The following OXR1 variants were observed in gnomAD, a reference collection of about 807,000 sequenced individuals.
OXR1 encodes the protein oxidation resistance protein 1.
A neutral mutation model predicts 104.6 loss-of-function variants in OXR1; 41 were observed. The ratio of observed to expected loss-of-function variants is 0.39; its 90% confidence interval spans 0.31 to 0.51. The LOEUF (loss-of-function observed/expected upper bound fraction) is 0.51. Ranked by LOEUF, OXR1 falls within the 20% of genes least tolerant of loss-of-function variation. The probability of loss-of-function intolerance (pLI) is 0.77; values close to 1 mark genes in which losing one functional copy is unlikely to be tolerated. For synonymous variants in OXR1, 348 were observed against 348.4 expected, an observed-to-expected ratio of 1.00 and a Z score of 0.01; for missense variants, 955 against 1,031.9, an observed-to-expected ratio of 0.93 and a Z score of 1.02.
intron 11 of OXR1, among the ~76,000 whole-genome samples, chr8:106,725,739 A>C (rs1385986161): frequency 6.6e-6 from 1 of 152,206 alleles, no homozygotes; most frequent in East Asian, 1.9e-4. Context: ...CTTATTGCTT[A>C]AAAAATGTTC....
chr8:106,353,936 CT>C (rs1379804067), intron 1 of OXR1, among the ~76,000 whole-genome samples: 1 of 152,160 alleles, frequency 6.6e-6, no homozygotes, highest in Non-Finnish European at 1.5e-5. Flanking sequence ...ATTCTACTTT[CT>C]GCTTCTATGA....
At chr8:106,650,478 T>C (rs1388561241) in intron 3 of OXR1, among the ~76,000 whole-genome samples, 1 of 152,210 alleles carries the variant, frequency 6.6e-6, no homozygotes, top group Non-Finnish European at 1.5e-5. Context: ...GATTGAGAAA[T>C]GCAGTCTATC....
intron 3 of OXR1, among the ~76,000 whole-genome samples, chr8:106,666,744 G>T (rs1160739955): frequency 6.6e-6 from 1 of 152,142 alleles, no homozygotes; most frequent in Non-Finnish European, 1.5e-5. Flanking sequence ...GGACAGTGGA[G>T]GATGAGAAAA....
intron 3 of OXR1, among the ~76,000 whole-genome samples, chr8:106,521,629 C>T (rs1813269202): frequency 6.6e-6 from 1 of 152,196 alleles, no homozygotes; most frequent in Non-Finnish European, 1.5e-5. Flanking sequence ...TCTCCTGCCT[C>T]AGCCTCCCGA....
chr8:106,401,449 A>G (rs1362996737), intron 2 of OXR1, among the ~76,000 whole-genome samples: 1 of 152,152 alleles, frequency 6.6e-6, no homozygotes, highest in Non-Finnish European at 1.5e-5. Context: ...TGAATTTTTA[A>G]GGGCCTGCAC....
chr8:106,590,378 C>T (rs766464782), intron 3 of OXR1, among the ~76,000 whole-genome samples: 22 of 152,192 alleles, frequency 1.4e-4, no homozygotes, highest in Non-Finnish European at 3.1e-4. Flanking sequence ...ATCTCTGCCT[C>T]CTGGGTTCAA....
At chr8:106,482,089 G>C (rs1381092416) in intron 2 of OXR1, among the ~76,000 whole-genome samples, 1 of 151,952 alleles carries the variant, frequency 6.6e-6, no homozygotes, top group African/African-American at 2.4e-5. Context: ...ACCCCTTGCT[G>C]GTTTGCATTT....
rs553313808 is a variant in OXR1, at chr8:106,618,666, C to T, written c.221-60544C>T. Among the ~76,000 whole-genome samples, 7 of 152,270 alleles carry T rather than the reference C, an allele frequency of 4.6e-5. No homozygotes were observed. The South Asian group carries it at 8.3e-4, about 18-fold the overall frequency. Reference sequence around the variant, plus strand: ...CTTCACTCAAAAATTGTCCCTAACTCGGGTAATGGCAGTGATCAAGTCACA... The same window carrying T: ...CTTCACTCAAAAATTGTCCCTAACTTGGGTAATGGCAGTGATCAAGTCACA... On this transcript the variant is annotated intron_variant, in intron 3 of 16. Coordinates refer to ENST00000517566, the MANE Select transcript of OXR1 (RefSeq NM_001198533.2).
chr8:106,682,329 C>T lies in OXR1; in HGVS notation c.304-870C>T, dbSNP rs1408447511. On this transcript the variant is annotated intron_variant, in intron 4 of 16. Transcript: ENST00000517566. ...TGTCGCCCAGACTGGAGTGCAGTGG[C>T]GCAATCTCGGCTCACTGCAAGCTCG... Among the ~76,000 whole-genome samples, 7 of 140,418 alleles carry T rather than the reference C, an allele frequency of 5.0e-5. No homozygotes were observed. The East Asian group carries it at 1.3e-3, about 25-fold the overall frequency. The allele number at this position is 140,418 out of a possible 152,430, so 92.1% of individuals were successfully genotyped here. A position where few individuals can be genotyped will look rare whatever the true frequency, so the allele number is the denominator to read the frequency against.
intron 2 of OXR1, among the ~76,000 whole-genome samples, chr8:106,399,047 G>C (rs1817899441): frequency 6.6e-6 from 1 of 151,806 alleles, no homozygotes. Context: ...TTATTTATTT[G>C]TACTTTCCAT....
intron 2 of OXR1, chr8:106,447,922 C>T: frequency 6.5e-7 from 1 of 1,528,410 alleles, no homozygotes; most frequent in South Asian, 1.2e-5. Context: ...GTGGGTGGAG[C>T]TAACGAGACA....
chr8:106,522,534 C>T (rs868322378), intron 3 of OXR1, among the ~76,000 whole-genome samples: 34 of 152,178 alleles, frequency 2.2e-4, no homozygotes, highest in African/African-American at 7.9e-4. Flanking sequence ...TAATAAAATT[C>T]CATTGATTTA....
chr8:106,720,315 A>G (rs1222949303), intron 11 of OXR1, among the ~76,000 whole-genome samples: 2 of 152,200 alleles, frequency 1.3e-5, no homozygotes, highest in East Asian at 3.9e-4. Context: ...CCTAGTTATC[A>G]GTGTTGTTTA....
intron 2 of OXR1, among the ~76,000 whole-genome samples, chr8:106,483,232 A>G (rs1195499687): frequency 6.6e-6 from 1 of 152,104 alleles, no homozygotes; most frequent in East Asian, 1.9e-4. Flanking sequence ...GTCAGTCAGT[A>G]GAGAGTTAGT....
chr8:106,413,660 C>T (rs1370981369), intron 2 of OXR1, among the ~76,000 whole-genome samples: 3 of 151,802 alleles, frequency 2.0e-5, no homozygotes, highest in Non-Finnish European at 1.5e-5. Context: ...GTTCTCAGTG[C>T]TTACAGTAGT....
At chr8:106,497,785 C>T (rs964799217) in intron 2 of OXR1, among the ~76,000 whole-genome samples, 2 of 81,354 alleles carry the variant, frequency 2.5e-5, no homozygotes, top group Admixed American at 2.5e-4. Context: ...ATATGGTCAC[C>T]ATATGTGTGT....
At chr8:106,292,569 G>A (rs1203255205) in intron 1 of OXR1, among the ~76,000 whole-genome samples, 3 of 152,148 alleles carry the variant, frequency 2.0e-5, no homozygotes, top group African/African-American at 4.8e-5. Flanking sequence ...GGTATCCATT[G>A]GTGGGTCTTG....
At chr8:106,700,083 T>C (rs1175743550) in intron 7 of OXR1, among the ~76,000 whole-genome samples, 1 of 152,174 alleles carries the variant, frequency 6.6e-6, no homozygotes, top group East Asian at 1.9e-4. Context: ...AATTTCTCTT[T>C]AGAAGATTAG....
intron 2 of OXR1, among the ~76,000 whole-genome samples, chr8:106,475,954 T>C (rs1563547222): frequency 6.6e-6 from 1 of 151,396 alleles, no homozygotes; most frequent in East Asian, 1.9e-4. Context: ...ATAAATTCTA[T>C]AGAGTTGTGC....
Sources: allele counts gnomAD v4.1 joint callset (sites outside exome capture counted in the v4.1 genomes callset), GRCh38; gene constraint gnomAD v4.1.1; transcripts MANE v1.5; gene names NCBI Gene and HGNC (gene_info 2026-07-23, HGNC 2026-07-21).